The following CD2AP variants were observed in gnomAD, a reference collection of about 807,000 sequenced individuals.
The protein encoded by CD2AP is CD2 associated protein, also known as CD2-associated protein.
In CD2AP, 46 loss-of-function variants were observed where a neutral mutation model predicts 85.1. That is an observed-to-expected ratio of 0.54 (90% confidence interval 0.43 to 0.69). The LOEUF (loss-of-function observed/expected upper bound fraction) is 0.69, where lower values mean the gene tolerates loss of function less well. Ranked by LOEUF, CD2AP falls within the 30% of genes least tolerant of loss-of-function variation. CD2AP has a pLI of 0.00. For missense variants in CD2AP, 769 were observed against 729.5 expected (o/e 1.05, Z -0.62); for synonymous variants, 255 against 252.9 (o/e 1.01, Z -0.08).
chr6:47,526,027 A>T (rs1259409012), intron 2 of CD2AP, among the ~76,000 whole-genome samples: 2 of 152,162 alleles, frequency 1.3e-5, no homozygotes, highest in South Asian at 4.1e-4. Flanking sequence ...GGTAGGAAAT[A>T]AATACTGCAA....
At position 47,621,464 on chromosome 6, in the gene CD2AP, T is replaced by A. The variant is rs571706315; in HGVS notation, c.1879-2722T>A. ...GTTAGCTAGTATTTTGTTAAGGATT[T>A]TAACATCTGTGTTCATCAAAGATAC... On this transcript the variant is annotated intron_variant, in intron 17 of 17. Transcript: ENST00000359314. Among the ~76,000 whole-genome samples, 41 of 152,330 alleles carry A rather than the reference T, an allele frequency of 2.7e-4. No individual in the cohort carries two copies. In the East Asian group the frequency reaches 6.8e-3, roughly 25 times the overall value.
chr6:47,589,645 A>G (rs192519294), intron 11 of CD2AP, among the ~76,000 whole-genome samples: 574 of 151,360 alleles, frequency 3.8e-3, no homozygotes, highest in Middle Eastern at 0.01. Context: ...TAAGATCAAG[A>G]TAGAGGGGAA....
chr6:47,551,565 A>G (rs1767525780), intron 4 of CD2AP, among the ~76,000 whole-genome samples: 1 of 152,214 alleles, frequency 6.6e-6, no homozygotes, highest in African/African-American at 2.4e-5. Context: ...CCCATTGTAC[A>G]TAGGAAGAGA....
intron 4 of CD2AP, among the ~76,000 whole-genome samples, chr6:47,551,563 A>G (rs1458580385): frequency 6.6e-6 from 1 of 152,192 alleles, no homozygotes; most frequent in Non-Finnish European, 1.5e-5. Flanking sequence ...TCCCCATTGT[A>G]CATAGGAAGA....
rs1374358628 is a variant in CD2AP, at chr6:47,503,497, G to A, written c.165+57G>A. 11 of 1,390,996 alleles carry A rather than the reference G, an allele frequency of 7.9e-6. No homozygotes were observed. In the Admixed American group the frequency reaches 1.7e-4, roughly 21 times the overall value. 86.2% of individuals were successfully genotyped at this position (1,390,996 alleles called of 1,614,324 possible). ...GCTTCATAGGATTTAATCTTTAAATGTTAAGAAATAGATATACTTTTAAAA... is the reference window on the plus strand; with the variant it reads ...GCTTCATAGGATTTAATCTTTAAATATTAAGAAATAGATATACTTTTAAAA... On this transcript the variant is annotated intron_variant, in intron 2 of 17. Transcript: ENST00000359314.
chr6:47,596,085 C>G (rs1427786692), intron 12 of CD2AP, 59 bp downstream of exon 12: 6 of 1,182,184 alleles, frequency 5.1e-6, no homozygotes, highest in Non-Finnish European at 5.1e-6. Flanking sequence ...ACCTTAATGG[C>G]TCTATTGCCT....
chr6:47,607,945 A>G lies in CD2AP; in HGVS notation c.1549A>G (p.Lys517Glu). Residue 517 changes from lysine (K) to glutamate (E), a missense_variant, in exon 15 of 18, where the codon AAA (lysine) becomes GAA (glutamate). By Grantham distance (56) the Lys-to-Glu change is moderately conservative (BLOSUM62 1). Transcript: ENST00000359314. Reference sequence around the variant, plus strand: ...CATTTAGCCAACTCACAGCCCCGAAAAAATCTTGAAGTTACCAAAAGAAGA... The same window carrying G: ...CATTTAGCCAACTCACAGCCCCGAAGAAATCTTGAAGTTACCAAAAGAAGA... Reference protein sequence around the residue: ...GGHSPTHSPEKILKLPKEEDS... With the variant: ...GGHSPTHSPEEILKLPKEEDS... 1 of 1,612,476 alleles carries G rather than the reference A, an allele frequency of 6.2e-7. No homozygotes were observed. Among genetic ancestry groups the G allele is most frequent in the Non-Finnish European group, 8.5e-7 (1 of 1,179,004 alleles).
chr6:47,622,580 G>A (rs764844009), intron 17 of CD2AP, among the ~76,000 whole-genome samples: 3 of 152,164 alleles, frequency 2.0e-5, no homozygotes, highest in Non-Finnish European at 4.4e-5. Flanking sequence ...TCCAGGTGAA[G>A]TTGGAAACTT....
intron 11 of CD2AP, among the ~76,000 whole-genome samples, chr6:47,585,945 A>G (rs796664774): frequency 9.2e-5 from 14 of 152,342 alleles, no homozygotes; most frequent in African/African-American, 3.4e-4. Context: ...CCAGAATAAA[A>G]TTTGGTACAA....
chr6:47,503,229 A>G (rs774669667), intron 1 of CD2AP, 51 bp from the exon 2 acceptor site: 1 of 1,489,142 alleles, frequency 6.7e-7, no homozygotes, highest in South Asian at 1.1e-5. Context: ...TATAGTTTAC[A>G]GTATTTTGTG....
intron 2 of CD2AP, among the ~76,000 whole-genome samples, chr6:47,516,856 G>T (rs1766464058): frequency 6.6e-6 from 1 of 152,164 alleles, no homozygotes; most frequent in Non-Finnish European, 1.5e-5. Context: ...ATTAAAGTTA[G>T]ATCATAGCAT....
At chr6:47,621,950 G>A (rs373532878) in intron 17 of CD2AP, among the ~76,000 whole-genome samples, 45 of 152,324 alleles carry the variant, frequency 3.0e-4, no homozygotes, top group Middle Eastern at 3.4e-3. Context: ...GGTGGGTAGG[G>A]AAGGGCCATC....
intron 2 of CD2AP, among the ~76,000 whole-genome samples, chr6:47,521,181 A>C (rs1766580844): frequency 6.6e-6 from 1 of 152,152 alleles, no homozygotes; most frequent in African/African-American, 2.4e-5. Context: ...CATCCATAAC[A>C]GTTGCTTATC....
intron 5 of CD2AP, among the ~76,000 whole-genome samples, chr6:47,568,009 A>G (rs2114086478): frequency 6.6e-6 from 1 of 152,282 alleles, no homozygotes; most frequent in East Asian, 1.9e-4. Context: ...GAGGAGTGCT[A>G]TGGGGATGGA....
At chr6:47,509,395 G>A (rs1766259105) in intron 2 of CD2AP, among the ~76,000 whole-genome samples, 1 of 151,430 alleles carries the variant, frequency 6.6e-6, no homozygotes, top group Admixed American at 6.6e-5. Context: ...AAATGGCATT[G>A]ATGGGCTTGC....
At chr6:47,572,281 T>C (rs932750990) in intron 5 of CD2AP, among the ~76,000 whole-genome samples, 1 of 152,212 alleles carries the variant, frequency 6.6e-6, no homozygotes. Context: ...TCCACTGCGA[T>C]GGTGTACAAG....
At chr6:47,573,694 T>C (rs1002971133) in intron 5 of CD2AP, among the ~76,000 whole-genome samples, 3 of 152,032 alleles carry the variant, frequency 2.0e-5, no homozygotes, top group African/African-American at 7.2e-5. Flanking sequence ...TTTCACCGTG[T>C]TAGCCAGAAT....
intron 2 of CD2AP, 77 bp downstream of exon 2, chr6:47,503,517 T>C: frequency 4.8e-6 from 6 of 1,242,736 alleles, no homozygotes; most frequent in East Asian, 2.5e-5. Flanking sequence ...AGATATACTT[T>C]TAAAATTAAA....
Position 47,511,182 on chromosome 6 carries a change from C to T in CD2AP, c.165+7742C>T, listed in dbSNP as rs374105268. Among the ~76,000 whole-genome samples the T allele has an allele frequency of 4.0e-4, 60 of 149,902 alleles. 2 individuals are homozygous for T. The South Asian group carries it at 0.012, about 29-fold the overall frequency. ...CAAATACTGCCTTTACCAAGTGGTCCAGGTTAATGTCACCAGTGATAGGTT... is the reference window on the plus strand; with the variant it reads ...CAAATACTGCCTTTACCAAGTGGTCTAGGTTAATGTCACCAGTGATAGGTT... On this transcript the variant is annotated intron_variant, in intron 2 of 17. Transcript: ENST00000359314.
Sources: gnomAD v4.1 joint callset for allele counts (sites outside exome capture counted in the v4.1 genomes callset) on GRCh38, gnomAD v4.1.1 for gene constraint, MANE v1.5 for transcripts, NCBI Gene and HGNC (gene_info 2026-07-23, HGNC 2026-07-21) for gene names.